The following ITGBL1 variants were observed in gnomAD, a reference collection of about 807,000 sequenced individuals.
ITGBL1 encodes the protein integrin beta-like protein 1.
Under a neutral mutation model 68.5 loss-of-function variants are expected in ITGBL1, and 51 were observed. That is an observed-to-expected ratio of 0.74 (90% confidence interval 0.59 to 0.94). The LOEUF (loss-of-function observed/expected upper bound fraction) is 0.94. Ranked by LOEUF, ITGBL1 falls within the 40% of genes least tolerant of loss-of-function variation. The probability of loss-of-function intolerance (pLI) is 0.00; values close to 1 mark genes in which losing one functional copy is unlikely to be tolerated. For missense variants in ITGBL1, 649 were observed against 647.4 expected, an observed-to-expected ratio of 1.00 and a Z score of -0.03; for synonymous variants, 209 against 227.3, an observed-to-expected ratio of 0.92 and a Z score of 0.72.
chr13:101,543,846 G>A (rs974325203), intron 2 of ITGBL1, among the ~76,000 whole-genome samples: 9 of 152,070 alleles, frequency 5.9e-5, no homozygotes, highest in Middle Eastern at 3.2e-3. Flanking sequence ...TGATCAAATC[G>A]GCTACTGAGG....
intron 10 of ITGBL1, chr13:101,714,806 C>A: frequency 4.1e-6 from 2 of 488,736 alleles, no homozygotes; most frequent in African/African-American, 1.9e-5. Flanking sequence ...AACCTCCCCA[C>A]CCTCAAACTC....
intron 9 of ITGBL1, 94 bp from the exon 10 acceptor site, chr13:101,714,344 T>C: frequency 1.3e-6 from 1 of 781,960 alleles, no homozygotes; most frequent in Middle Eastern, 2.6e-4. Context: ...GATGGGTTAT[T>C]AGAAGCCTGT....
At chr13:101,522,438 C>T (rs2049301899) in intron 2 of ITGBL1, among the ~76,000 whole-genome samples, 1 of 152,122 alleles carries the variant, frequency 6.6e-6, no homozygotes, top group Non-Finnish European at 1.5e-5. Context: ...TAACACATGT[C>T]ATAGAGAAAT....
chr13:101,702,643 G>T (rs993817084), intron 8 of ITGBL1, among the ~76,000 whole-genome samples: 6 of 152,044 alleles, frequency 3.9e-5, no homozygotes, highest in South Asian at 2.1e-4. Context: ...CAGATTAAAT[G>T]ATTTCAGTTG....
At chr13:101,492,562 A>T (rs2048795273) in intron 2 of ITGBL1, among the ~76,000 whole-genome samples, 1 of 152,182 alleles carries the variant, frequency 6.6e-6, no homozygotes, top group African/African-American at 2.4e-5. Context: ...ATGCCCTAAG[A>T]GGGTGGTCTG....
intron 2 of ITGBL1, among the ~76,000 whole-genome samples, chr13:101,540,379 T>C (rs1433467372): frequency 6.6e-6 from 1 of 152,162 alleles, no homozygotes; most frequent in Non-Finnish European, 1.5e-5. Flanking sequence ...GCGGCATTAT[T>C]TCTGAGGGCT....
At chr13:101,578,618 G>A (rs117996896) in intron 4 of ITGBL1, among the ~76,000 whole-genome samples, 272 of 152,218 alleles carry the variant, frequency 1.8e-3, no homozygotes, top group South Asian at 4.8e-3. Context: ...GCTGAAAGAG[G>A]GCATCTGGAC....
intron 3 of ITGBL1, among the ~76,000 whole-genome samples, chr13:101,573,241 G>C (rs1027889549): frequency 6.6e-6 from 1 of 152,106 alleles, no homozygotes; most frequent in Non-Finnish European, 1.5e-5. Flanking sequence ...TATAGCATTA[G>C]ATTTCAAATT....
chr13:101,501,245 C>T (rs2048936010), intron 2 of ITGBL1, among the ~76,000 whole-genome samples: 1 of 152,188 alleles, frequency 6.6e-6, no homozygotes, highest in Non-Finnish European at 1.5e-5. Flanking sequence ...ATTTCCTGAT[C>T]TATCTTTGGT....
intron 2 of ITGBL1, among the ~76,000 whole-genome samples, chr13:101,493,029 A>C (rs773994117): frequency 8.5e-5 from 13 of 152,342 alleles, no homozygotes; most frequent in African/African-American, 2.9e-4. Context: ...GATGTTGTAC[A>C]AAGTTTATTG....
At chr13:101,680,565 A>G (rs1443186247) in intron 7 of ITGBL1, among the ~76,000 whole-genome samples, 3 of 152,056 alleles carry the variant, frequency 2.0e-5, no homozygotes, top group African/African-American at 7.2e-5. Context: ...AGTACAATGA[A>G]AAAGGAAGTG....
At chr13:101,469,479 C>T (rs1418202825) in intron 2 of ITGBL1, among the ~76,000 whole-genome samples, 1 of 152,180 alleles carries the variant, frequency 6.6e-6, no homozygotes, top group Non-Finnish European at 1.5e-5. Context: ...GTCACGAGTT[C>T]GAGACCAGCC....
At chr13:101,604,117 A>C (rs770107733) in intron 7 of ITGBL1, among the ~76,000 whole-genome samples, 1 of 150,880 alleles carries the variant, frequency 6.6e-6, no homozygotes, top group Non-Finnish European at 1.5e-5. Flanking sequence ...GAAAGATAAG[A>C]AAAGCATACA....
chr13:101,674,920 C>G (rs1027284662), intron 7 of ITGBL1, among the ~76,000 whole-genome samples: 2 of 151,774 alleles, frequency 1.3e-5, no homozygotes, highest in African/African-American at 2.4e-5. Flanking sequence ...TTCTCTTTCT[C>G]TTTTTGATCT....
At chr13:101,650,597 T>C (rs190484094) in intron 7 of ITGBL1, among the ~76,000 whole-genome samples, 2 of 151,814 alleles carry the variant, frequency 1.3e-5, no homozygotes, top group East Asian at 3.9e-4. Context: ...CCCCATCTGC[T>C]GGCCAGGTGA....
At chr13:101,533,268 T>A (rs2049513577) in intron 2 of ITGBL1, among the ~76,000 whole-genome samples, 1 of 152,222 alleles carries the variant, frequency 6.6e-6, no homozygotes, top group African/African-American at 2.4e-5. Flanking sequence ...GACCCACCTC[T>A]GCTAGTATAG....
intron 2 of ITGBL1, among the ~76,000 whole-genome samples, chr13:101,562,493 A>G (rs1426459560): frequency 6.6e-6 from 1 of 152,148 alleles, no homozygotes; most frequent in African/African-American, 2.4e-5. Context: ...AAGGTATTCT[A>G]TGCAAACACC....
At chr13:101,477,872 G>C (rs1348881274) in intron 2 of ITGBL1, among the ~76,000 whole-genome samples, 1 of 151,972 alleles carries the variant, frequency 6.6e-6, no homozygotes, top group Non-Finnish European at 1.5e-5. Context: ...GTAAAGCCCA[G>C]GACTCAATGG....
chr13:101,685,074 A>T (rs905895950), intron 7 of ITGBL1, among the ~76,000 whole-genome samples: 2 of 151,980 alleles, frequency 1.3e-5, no homozygotes, highest in African/African-American at 4.8e-5. Flanking sequence ...GTATTTCTGA[A>T]TATTACCATA....
Sources: gnomAD v4.1 joint callset for allele counts (sites outside exome capture counted in the v4.1 genomes callset) on GRCh38, gnomAD v4.1.1 for gene constraint, MANE v1.5 for transcripts, NCBI Gene and HGNC (gene_info 2026-07-23, HGNC 2026-07-21) for gene names.